The following EHBP1 variants were observed in gnomAD, a reference collection of about 807,000 sequenced individuals.
EHBP1 encodes the protein EH domain-binding protein 1.
Under a neutral mutation model 144.0 loss-of-function variants are expected in EHBP1, and 55 were observed. The observed-to-expected ratio is 0.38, with a 90% CI of 0.31 to 0.48. The LOEUF is 0.48. Ranked by LOEUF, EHBP1 falls within the 20% of genes least tolerant of loss-of-function variation. EHBP1 has a pLI of 0.98. For missense variants in EHBP1, 1,200 were observed against 1,364.2 expected, an observed-to-expected ratio of 0.88 and a Z score of 1.90; for synonymous variants, 469 against 472.7, an observed-to-expected ratio of 0.99 and a Z score of 0.10.
chr2:62,851,800 G>C (rs1178779838), intron 7 of EHBP1, among the ~76,000 whole-genome samples: 2 of 152,156 alleles, frequency 1.3e-5, no homozygotes, highest in Non-Finnish European at 2.9e-5. Context: ...GAAGTTCTAG[G>C]AGTGAAGTAG....
chr2:63,008,868 C>T (rs975993401), intron 19 of EHBP1, among the ~76,000 whole-genome samples: 4 of 151,400 alleles, frequency 2.6e-5, no homozygotes, highest in Admixed American at 6.6e-5. Context: ...TGAATAAGCC[C>T]ATTAAAACTA....
At chr2:63,021,165 A>G (rs1371541722) in intron 19 of EHBP1, among the ~76,000 whole-genome samples, 1 of 151,080 alleles carries the variant, frequency 6.6e-6, no homozygotes, top group African/African-American at 2.4e-5. Context: ...TAATATACAC[A>G]TCTCGTTCTA....
chr2:62,866,532 A>T (rs186354109), intron 9 of EHBP1, among the ~76,000 whole-genome samples: 81 of 152,368 alleles, frequency 5.3e-4, no homozygotes, highest in Non-Finnish European at 7.2e-4. Context: ...AAGACAGCAT[A>T]GATGATATTA....
chr2:62,836,531 A>C (rs1321357873), intron 7 of EHBP1, among the ~76,000 whole-genome samples: 3 of 141,822 alleles, frequency 2.1e-5, no homozygotes, highest in African/African-American at 7.9e-5. Context: ...TCAGACGATC[A>C]AATTACTCTG....
chr2:63,045,097 CGAACAGCTTCTGCTA>C lies in EHBP1; in HGVS notation c.3312_3326del (p.Glu1104_Leu1108del). 1 of 1,581,704 alleles carries C rather than the reference CGAACAGCTTCTGCTA, an allele frequency of 6.3e-7. No individual in the cohort carries two copies. Among genetic ancestry groups the C allele is most frequent in the Non-Finnish European group, 8.6e-7 (1 of 1,163,204 alleles). On this transcript the variant is annotated inframe_deletion, in exon 22 of 23. Coordinates refer to ENST00000431489, the MANE Select transcript of EHBP1 (RefSeq NM_001142616.3). The surrounding 1 kb of genome is among the most constrained non-coding windows in gnomAD (Gnocchi z 5.7). The stretch of plus-strand genomic sequence containing the variant: ...AGAAGACCGAGGCCCAGAAGCGACG[CGAACAGCTTCTGCTA>C]GATGAGCTGGTGGCCCTGGTGAACA...
chr2:62,739,110 A>G (rs1435820604), intron 2 of EHBP1, among the ~76,000 whole-genome samples: 5 of 152,222 alleles, frequency 3.3e-5, no homozygotes, highest in Non-Finnish European at 5.9e-5. Context: ...TTGGTCCTGT[A>G]TTCTTATTTC....
At chr2:62,951,137 A>G (rs1208757361) in intron 13 of EHBP1, among the ~76,000 whole-genome samples, 13 of 152,174 alleles carry the variant, frequency 8.5e-5, no homozygotes, top group Admixed American at 8.5e-4. Flanking sequence ...TTCTTTCTCA[A>G]ATAGTCCTCA....
At chr2:62,832,636 A>G (rs909870340) in intron 7 of EHBP1, among the ~76,000 whole-genome samples, 3 of 152,034 alleles carry the variant, frequency 2.0e-5, no homozygotes, top group African/African-American at 4.8e-5. Context: ...ATAGTGATCT[A>G]TGACCAATGA....
At chr2:62,792,780 T>TA (rs1365267154) in intron 5 of EHBP1, among the ~76,000 whole-genome samples, 4 of 152,002 alleles carry the variant, frequency 2.6e-5, no homozygotes, top group African/African-American at 9.7e-5. Flanking sequence ...TCAGTATACT[T>TA]AGAGTGAGAT....
At chr2:62,903,204 C>G (rs2152952777) in intron 10 of EHBP1, among the ~76,000 whole-genome samples, 1 of 152,224 alleles carries the variant, frequency 6.6e-6, no homozygotes, top group African/African-American at 2.4e-5. Context: ...ATTGTTATGT[C>G]TATTCACTTT....
In EHBP1 at chr2:62,739,217, C is replaced by G. The variant is rs536061219; in HGVS notation, c.105-8178C>G. On this transcript the variant is annotated intron_variant, in intron 2 of 22. Transcript: ENST00000431489. ...TATCATACTGTTTTTCTGCCCTGTT[C>G]TCAGTAAATGCTTTTTGAATACCAG... Among the ~76,000 whole-genome samples the G allele has an allele frequency of 4.6e-5, 7 of 152,280 alleles. No individual in the cohort carries two copies. In the South Asian group the frequency reaches 1.4e-3, roughly 32 times the overall value.
intron 19 of EHBP1, among the ~76,000 whole-genome samples, chr2:63,004,315 A>G (rs2059952345): frequency 6.6e-6 from 1 of 152,044 alleles, no homozygotes; most frequent in African/African-American, 2.4e-5. Flanking sequence ...ATCTTCTGGG[A>G]TGAAAGATCT....
intron 3 of EHBP1, among the ~76,000 whole-genome samples, chr2:62,751,936 T>C (rs1372425207): frequency 6.6e-6 from 1 of 152,144 alleles, no homozygotes; most frequent in Non-Finnish European, 1.5e-5. Context: ...AAAAACCAGC[T>C]CCTGGATTCA....
intron 13 of EHBP1, among the ~76,000 whole-genome samples, chr2:62,949,583 C>G (rs1305403391): frequency 6.6e-6 from 1 of 152,130 alleles, no homozygotes; most frequent in Admixed American, 6.5e-5. Flanking sequence ...AAACAATATT[C>G]TACTATAAAA....
chr2:62,815,968 A>C (rs768339514), intron 5 of EHBP1, among the ~76,000 whole-genome samples: 1 of 152,224 alleles, frequency 6.6e-6, no homozygotes, highest in Non-Finnish European at 1.5e-5. Flanking sequence ...TTAATGTAAC[A>C]GTTTAAGAAG....
At position 63,045,414 on chromosome 2, in the gene EHBP1, G is replaced by A. The variant is rs1158657750; in HGVS notation, c.3397G>A (p.Glu1133Lys). 2.5e-6 allele frequency: 4 copies of A among 1,613,704 alleles called. No individual in the cohort carries two copies. Among genetic ancestry groups the A allele is most frequent in the African/African-American group, 1.3e-5 (1 of 74,918 alleles). ...TCCTGTTTGTCTGACATCCAGGGCC[G>A]AAGAAGAAGATGAGCATTTGGAGCG... Reference protein sequence around the residue: ...RDLDAQEKQAEEEDEHLERTL... With the variant: ...RDLDAQEKQAKEEDEHLERTL... The change falls in exon 23 of 23, where the codon GAA (glutamate) becomes AAA (lysine). Residue 1133 changes from glutamate (E) to lysine (K), a missense_variant. Glu to Lys is a moderately conservative substitution (Grantham distance 56). Coordinates refer to ENST00000431489, the MANE Select transcript of EHBP1 (RefSeq NM_001142616.3). This position sits in a 1 kb window ranked among gnomAD's most constrained non-coding sequence, Gnocchi z 5.7.
intron 19 of EHBP1, among the ~76,000 whole-genome samples, chr2:63,011,022 G>T (rs890880763): frequency 6.6e-6 from 1 of 150,902 alleles, no homozygotes; most frequent in Non-Finnish European, 1.5e-5. Context: ...ATAAATGAAA[G>T]TTTCTCTAAA....
chr2:62,678,268 A>T (rs1005055159), intron 1 of EHBP1, among the ~76,000 whole-genome samples: 6 of 152,166 alleles, frequency 3.9e-5, no homozygotes, highest in Admixed American at 3.9e-4. Flanking sequence ...ACCTGTTTGC[A>T]ATTTGTATAT....
intron 10 of EHBP1, among the ~76,000 whole-genome samples, chr2:62,887,573 CA>C (rs1374767886): frequency 3.3e-3 from 175 of 53,146 alleles, no homozygotes; most frequent in South Asian, 9.1e-3. Context: ...TAGGTCTCCA[CA>C]AAAAAAAAAA....
Sources: gnomAD v4.1 joint callset for allele counts (sites outside exome capture counted in the v4.1 genomes callset) on GRCh38, gnomAD v4.1.1 for gene constraint, Gnocchi (gnomAD v3.1) non-coding constraint, MANE v1.5 for transcripts, NCBI Gene and HGNC (gene_info 2026-07-23, HGNC 2026-07-21) for gene names.